The following RBFOX1 variants were observed in gnomAD, a reference collection of about 807,000 sequenced individuals.
The protein encoded by RBFOX1 is RNA binding protein fox-1 homolog 1.
Under a neutral mutation model 57.7 loss-of-function variants are expected in RBFOX1, and 8 were observed. The ratio of observed to expected loss-of-function variants is 0.14; its 90% confidence interval spans 0.08 to 0.25. RBFOX1 has a LOEUF of 0.25. Ranked by LOEUF, RBFOX1 falls within the 10% of genes least tolerant of loss-of-function variation. The pLI is 1.00. For synonymous variants in RBFOX1, 326 were observed against 222.4 expected, an observed-to-expected ratio of 1.47 and a Z score of -4.15; for missense variants, 611 against 548.5, an observed-to-expected ratio of 1.11 and a Z score of -1.14.
intron 3 of RBFOX1, among the ~76,000 whole-genome samples, chr16:6,925,849 G>A (rs2075477249): frequency 1.3e-5 from 2 of 151,210 alleles, no homozygotes; most frequent in Admixed American, 6.6e-5. Flanking sequence ...AAGGTTATGT[G>A]ATTTAAAAAA....
At chr16:7,565,261 T>C (rs1601937509) in intron 5 of RBFOX1, among the ~76,000 whole-genome samples, 1 of 152,132 alleles carries the variant, frequency 6.6e-6, no homozygotes, top group South Asian at 2.1e-4. Context: ...CTGGTATGCA[T>C]GATTTTTCTT....
chr16:6,504,258 C>G (rs2096025872), intron 2 of RBFOX1, among the ~76,000 whole-genome samples: 1 of 152,194 alleles, frequency 6.6e-6, no homozygotes, highest in African/African-American at 2.4e-5. Context: ...TGAGCTTCTC[C>G]ACAGTCCACC....
chr16:5,699,683 C>T (rs2050968463), intron 3 of RBFOX1, among the ~76,000 whole-genome samples: 1 of 152,072 alleles, frequency 6.6e-6, no homozygotes, highest in Admixed American at 6.5e-5. Flanking sequence ...AGGATAGAAT[C>T]CAACTATATT....
At chr16:7,223,888 G>T (rs530873783) in intron 4 of RBFOX1, among the ~76,000 whole-genome samples, 1 of 151,840 alleles carries the variant, frequency 6.6e-6, no homozygotes, top group South Asian at 2.1e-4. Flanking sequence ...GCTGGTTGGT[G>T]AGCATACCTT....
At chr16:5,772,460 C>G (rs1019605882) in intron 3 of RBFOX1, among the ~76,000 whole-genome samples, 7 of 152,192 alleles carry the variant, frequency 4.6e-5, no homozygotes, top group African/African-American at 1.7e-4. Context: ...CTCTTCTGCA[C>G]TCTTGAGTTT....
intron 4 of RBFOX1, among the ~76,000 whole-genome samples, chr16:7,397,491 A>C (rs1228735247): frequency 2.0e-5 from 3 of 152,200 alleles, no homozygotes; most frequent in African/African-American, 7.2e-5. Flanking sequence ...AGATCCACAT[A>C]AAAATGAAAA....
chr16:7,000,707 C>A (rs1232385165), intron 3 of RBFOX1, among the ~76,000 whole-genome samples: 1 of 145,512 alleles, frequency 6.9e-6, no homozygotes, highest in African/African-American at 2.5e-5. Context: ...CGGGTTCATG[C>A]CATTCTCCTG....
At chr16:5,608,098 C>A (rs1000953567) in intron 3 of RBFOX1, among the ~76,000 whole-genome samples, 1 of 152,158 alleles carries the variant, frequency 6.6e-6, no homozygotes. Context: ...AAAAGTTGCC[C>A]AAAGTGGTTG....
At chr16:5,335,007 C>A (rs1366622771) in intron 1 of RBFOX1, among the ~76,000 whole-genome samples, 1 of 152,040 alleles carries the variant, frequency 6.6e-6, no homozygotes, top group South Asian at 2.1e-4. Flanking sequence ...AAAGAGTATG[C>A]CCAATTTCAA....
chr16:7,491,303 C>T (rs1178347266), intron 4 of RBFOX1, among the ~76,000 whole-genome samples: 1 of 151,464 alleles, frequency 6.6e-6, no homozygotes, highest in Non-Finnish European at 1.5e-5. Context: ...TGTTGCTTTG[C>T]TATTTAATGC....
chr16:5,962,395 G>A (rs890391591), intron 4 of RBFOX1, among the ~76,000 whole-genome samples: 1 of 152,096 alleles, frequency 6.6e-6, no homozygotes, highest in African/African-American at 2.4e-5. Context: ...GCACTCAGGG[G>A]ACCTTCTTTA....
At chr16:6,000,222 C>T (rs2060573078) in intron 4 of RBFOX1, among the ~76,000 whole-genome samples, 1 of 152,152 alleles carries the variant, frequency 6.6e-6, no homozygotes, top group Non-Finnish European at 1.5e-5. Flanking sequence ...CCATGCCCCC[C>T]TGGTGCGATG....
At chr16:6,312,376 A>G (rs1418796001) in intron 1 of RBFOX1, among the ~76,000 whole-genome samples, 2 of 151,696 alleles carry the variant, frequency 1.3e-5, no homozygotes, top group African/African-American at 4.8e-5. Flanking sequence ...TCTCATTGCT[A>G]CTTCTGCTGT....
intron 4 of RBFOX1, among the ~76,000 whole-genome samples, chr16:7,360,824 G>T (rs2097306485): frequency 6.6e-6 from 1 of 152,144 alleles, no homozygotes; most frequent in African/African-American, 2.4e-5. Context: ...AATTAGGCTT[G>T]TACATTCCAG....
At chr16:7,192,891 C>A (rs1320054296) in intron 4 of RBFOX1, among the ~76,000 whole-genome samples, 1 of 152,166 alleles carries the variant, frequency 6.6e-6, no homozygotes, top group African/African-American at 2.4e-5. Flanking sequence ...ATTGTTACTT[C>A]GCCAGTCTCA....
chr16:5,570,379 A>G (rs992942600), intron 2 of RBFOX1, among the ~76,000 whole-genome samples: 1 of 152,194 alleles, frequency 6.6e-6, no homozygotes, highest in African/African-American at 2.4e-5. Context: ...AGGTTTGAAT[A>G]GGAGTTAGTG....
At chr16:6,819,462 G>C (rs980965013) in intron 3 of RBFOX1, among the ~76,000 whole-genome samples, 1 of 152,122 alleles carries the variant, frequency 6.6e-6, no homozygotes, top group East Asian at 1.9e-4. Context: ...CCAGTACTTA[G>C]GGAGGCCCAG....
chr16:6,336,175 A>ATTTTTT (rs1567962581), intron 2 of RBFOX1, among the ~76,000 whole-genome samples: 1 of 31,484 alleles, frequency 3.2e-5, no homozygotes, highest in Non-Finnish European at 6.5e-5. Flanking sequence ...ATATATATAT[A>ATTTTTT]TATATATTTT....
rs533409581 is a variant in RBFOX1, at chr16:6,020,256, A to G, written c.-127+264A>G. On this transcript the variant is annotated intron_variant, in intron 1 of 15. Coordinates refer to ENST00000550418, the MANE Select transcript of RBFOX1 (RefSeq NM_018723.4). ...TTCCTTGCCCCAGAGCGCCCCTCCGAAGCATCCAGGCTACCTCGTCCGTCC... is the reference window on the plus strand; with the variant it reads ...TTCCTTGCCCCAGAGCGCCCCTCCGGAGCATCCAGGCTACCTCGTCCGTCC... Among the ~76,000 whole-genome samples, 12 of 152,176 alleles carry G rather than the reference A, an allele frequency of 7.9e-5. No individual in the cohort carries two copies. In the East Asian group the frequency reaches 2.3e-3, roughly 30 times the overall value.
Sources: allele counts gnomAD v4.1 joint callset (sites outside exome capture counted in the v4.1 genomes callset), GRCh38; gene constraint gnomAD v4.1.1; transcripts MANE v1.5; gene names NCBI Gene and HGNC (gene_info 2026-07-23, HGNC 2026-07-21).